The following USP8 variants were observed in gnomAD, a reference collection of about 807,000 sequenced individuals.
The protein encoded by USP8 is ubiquitin carboxyl-terminal hydrolase 8.
In USP8, 27 loss-of-function variants were observed where a neutral mutation model predicts 130.0. That is an observed-to-expected ratio of 0.21 (90% CI 0.15 to 0.29). The LOEUF (loss-of-function observed/expected upper bound fraction) is 0.29. USP8 is among the 10% of genes least tolerant of loss of function. The probability of loss-of-function intolerance (pLI) is 1.00; values close to 1 mark genes in which losing one functional copy is unlikely to be tolerated. For synonymous variants in USP8, 392 were observed against 444.1 expected (o/e 0.88, Z 1.48); for missense variants, 1,029 against 1,312.2 (o/e 0.78, Z 3.33).
chr15:50,473,225 G>A (rs1258714298), intron 8 of USP8, among the ~76,000 whole-genome samples: 1 of 152,056 alleles, frequency 6.6e-6, no homozygotes, highest in African/African-American at 2.4e-5. Context: ...GGGGATTGAT[G>A]CTAGGACCCC....
Position 50,494,215 on chromosome 15 carries a change from A to G in USP8, c.2593A>G (p.Ser865Gly), listed in dbSNP as rs764793582. The change falls in exon 16 of 20, where the codon AGT (serine) becomes GGT (glycine). Residue 865 changes from serine (S) to glycine (G), a missense_variant. Physicochemically the swap from Ser to Gly is moderately conservative, Grantham distance 56 (BLOSUM62 0). Transcript: ENST00000307179. Reference sequence around the variant, plus strand: ...GATCAATGACCAGTTTGCAGGATACAGTCAGCAAGATTCACAAGAATTGCT... The same window carrying G: ...GATCAATGACCAGTTTGCAGGATACGGTCAGCAAGATTCACAAGAATTGCT... The part of the protein sequence containing the change: ...GKINDQFAGY[S>G]QQDSQELLLF... The G allele has an allele frequency of 1.2e-6, 2 of 1,613,656 alleles. No homozygotes were observed. Among genetic ancestry groups the G allele is most frequent in the Non-Finnish European group, 1.7e-6 (2 of 1,179,952 alleles).
At chr15:50,427,255 C>G (rs1419747990) in intron 1 of USP8, among the ~76,000 whole-genome samples, 1 of 152,020 alleles carries the variant, frequency 6.6e-6, no homozygotes, top group African/African-American at 2.4e-5. Flanking sequence ...TTTCTTTAAC[C>G]GTAATACTTT....
intron 3 of USP8, among the ~76,000 whole-genome samples, chr15:50,445,697 TA>T (rs960547151): frequency 6.9e-5 from 10 of 144,310 alleles, no homozygotes; most frequent in Admixed American, 2.1e-4. Context: ...TAAAAATACG[TA>T]AAAAAAAAAT....
At chr15:50,496,325 CA>C in intron 17 of USP8, among the ~76,000 whole-genome samples, 3 of 151,858 alleles carry the variant, frequency 2.0e-5, no homozygotes, top group Admixed American at 6.6e-5. Context: ...ACTAAAAATA[CA>C]AAAAATTAGC....
chr15:50,469,865 C>T (rs1419087742), intron 7 of USP8, among the ~76,000 whole-genome samples: 1 of 148,202 alleles, frequency 6.7e-6, no homozygotes, highest in African/African-American at 2.5e-5. Context: ...CAGAGTCTCG[C>T]TCTTCACCCA....
intron 1 of USP8, among the ~76,000 whole-genome samples, chr15:50,435,721 C>T (rs944665465): frequency 6.6e-6 from 1 of 152,076 alleles, no homozygotes; most frequent in Non-Finnish European, 1.5e-5. Context: ...AAAATAGAAA[C>T]AACTATGGTT....
At chr15:50,438,465 A>G in intron 1 of USP8, among the ~76,000 whole-genome samples, 1 of 152,210 alleles carries the variant, frequency 6.6e-6, no homozygotes, top group East Asian at 1.9e-4. Context: ...GAACGCCTGG[A>G]ATTCCAGCTA....
At chr15:50,429,565 T>C (rs113420707) in intron 1 of USP8, among the ~76,000 whole-genome samples, 8 of 152,192 alleles carry the variant, frequency 5.3e-5, no homozygotes, top group Admixed American at 3.9e-4. Flanking sequence ...CAAGGCGAGG[T>C]TGGCTCATGC....
intron 3 of USP8, among the ~76,000 whole-genome samples, chr15:50,446,150 G>T (rs192491195): frequency 1.3e-5 from 2 of 152,216 alleles, no homozygotes. Flanking sequence ...ATATATTCAG[G>T]AATCAGGAAA....
At chr15:50,485,550 A>ATTTTTTT (rs71424071) in intron 12 of USP8, among the ~76,000 whole-genome samples, 287 of 27,936 alleles carry the variant, frequency 0.01, 42 homozygotes, top group South Asian at 0.014. Context: ...CAGTTTAGTG[A>ATTTTTTT]TTTTTTTTTT....
At chr15:50,486,857 G>T (rs1361908203) in intron 12 of USP8, among the ~76,000 whole-genome samples, 1 of 152,156 alleles carries the variant, frequency 6.6e-6, no homozygotes. Flanking sequence ...TAATGGCCGG[G>T]TGCGGTGGTT....
intron 14 of USP8, among the ~76,000 whole-genome samples, chr15:50,492,239 A>G (rs1385863922): frequency 6.6e-6 from 1 of 152,122 alleles, no homozygotes; most frequent in African/African-American, 2.4e-5. Flanking sequence ...TAGTACCCAA[A>G]TAACCTCTGC....
chr15:50,437,232 A>T (rs887584593), intron 1 of USP8, among the ~76,000 whole-genome samples: 8 of 152,188 alleles, frequency 5.3e-5, no homozygotes, highest in African/African-American at 1.7e-4. Context: ...CTGTGCACAT[A>T]CTACCCAATT....
At chr15:50,429,675 A>T (rs2141243950) in intron 1 of USP8, among the ~76,000 whole-genome samples, 1 of 152,286 alleles carries the variant, frequency 6.6e-6, no homozygotes, top group South Asian at 2.1e-4. Flanking sequence ...GTATTTTTTT[A>T]AATATATAAA....
intron 6 of USP8, among the ~76,000 whole-genome samples, chr15:50,464,307 A>G (rs1198290183): frequency 6.6e-6 from 1 of 152,238 alleles, no homozygotes; most frequent in Non-Finnish European, 1.5e-5. Flanking sequence ...AGCTACCGTA[A>G]GACTGCCATC....
chr15:50,472,638 T>A (rs1177631506), intron 8 of USP8, among the ~76,000 whole-genome samples: 1 of 147,382 alleles, frequency 6.8e-6, no homozygotes, highest in African/African-American at 2.5e-5. Flanking sequence ...GGGCCAGGCG[T>A]GGTGGCCCAT....
chr15:50,480,182 A>G (rs1234645148), intron 10 of USP8, among the ~76,000 whole-genome samples: 1 of 152,202 alleles, frequency 6.6e-6, no homozygotes, highest in Non-Finnish European at 1.5e-5. Context: ...TTCTCAAGAA[A>G]TGATGTTAGG....
At chr15:50,433,766 C>T (rs187650438) in intron 1 of USP8, among the ~76,000 whole-genome samples, 59 of 152,178 alleles carry the variant, frequency 3.9e-4, no homozygotes, top group South Asian at 6.2e-4. Context: ...CCACCGTGCC[C>T]GGCTAATTTT....
At chr15:50,441,822 G>GT (rs941268159) in intron 3 of USP8, among the ~76,000 whole-genome samples, 20 of 150,852 alleles carry the variant, frequency 1.3e-4, no homozygotes, top group South Asian at 2.1e-4. Context: ...ACATGACTGT[G>GT]TTTTTTTTTA....
Sources: gnomAD v4.1 joint callset for allele counts (sites outside exome capture counted in the v4.1 genomes callset) on GRCh38, gnomAD v4.1.1 for gene constraint, MANE v1.5 for transcripts, NCBI Gene and HGNC (gene_info 2026-07-23, HGNC 2026-07-21) for gene names.